Variants in ACACA observed in about 807,000 individuals in gnomAD.
ACACA encodes the protein acetyl-CoA carboxylase alpha, also known as acetyl-CoA carboxylase 1.
In ACACA, 103 loss-of-function variants were observed where a neutral mutation model predicts 296.1. The ratio of observed to expected loss-of-function variants is 0.35; its 90% CI spans 0.30 to 0.41. The LOEUF (loss-of-function observed/expected upper bound fraction) is 0.41, where lower values mean the gene tolerates loss of function less well. ACACA is among the 10% of genes least tolerant of loss of function. ACACA has a pLI of 1.00. For missense variants in ACACA, 1,554 were observed against 2,989.7 expected, an observed-to-expected ratio of 0.52 and a Z score of 11.20; for synonymous variants, 953 against 1,038.6, an observed-to-expected ratio of 0.92 and a Z score of 1.58.
intron 1 of ACACA, among the ~76,000 whole-genome samples, chr17:37,376,830 C>T (rs1016591239): frequency 4.6e-5 from 7 of 152,084 alleles, no homozygotes; most frequent in Non-Finnish European, 7.4e-5. Flanking sequence ...TGGCATGCAC[C>T]TGTAATCTCA....
chr17:37,218,071 A>T (rs8081936), intron 29 of ACACA, among the ~76,000 whole-genome samples: 1 of 151,784 alleles, frequency 6.6e-6, no homozygotes, highest in Admixed American at 6.6e-5. Flanking sequence ...ATCAACTGTG[A>T]ATAATTCCTG....
At chr17:37,087,526 G>C (rs1404819406) in intron 55 of ACACA, 87 bp from the exon 56 acceptor site, 3 of 1,500,462 alleles carry the variant, frequency 2.0e-6, no homozygotes, top group African/African-American at 1.4e-5. Context: ...ATAAACATGT[G>C]TGCACCGTCC....
chr17:37,252,931 T>C lies in ACACA; in HGVS notation c.1932A>G (p.Arg644=). ...GTCTGTCCAGCCAGCCAGTATCAAT[T>C]CTGTTCATCTGAAAGCTTTCAGTCT... ...LLETESFQMN[R]IDTGWLDRLI... is the part of the protein sequence containing the mutation. The change falls in exon 15 of 56, where the codon AGA becomes AGG. Residue 644 remains arginine (R), a synonymous_variant. Transcript: ENST00000616317. 6.2e-7 allele frequency: 1 copy of C among 1,614,226 alleles called. No homozygotes were observed. The highest frequency in any genetic ancestry group is 2.2e-5 in the East Asian group (1 of 44,876).
At chr17:37,338,800 C>T (rs964555122) in intron 2 of ACACA, among the ~76,000 whole-genome samples, 3 of 151,668 alleles carry the variant, frequency 2.0e-5, no homozygotes, top group Non-Finnish European at 4.4e-5. Context: ...ATTAGCCAGG[C>T]GTGGCGGTGG....
At chr17:37,391,522 A>G in intron 1 of ACACA, 1 of 807,196 alleles carries the variant, frequency 1.2e-6, no homozygotes, top group South Asian at 1.5e-5. Context: ...CGATTAACAA[A>G]GAGGCAAAAT....
At chr17:37,209,619 C>T (rs1210041574) in intron 30 of ACACA, among the ~76,000 whole-genome samples, 1 of 152,176 alleles carries the variant, frequency 6.6e-6, no homozygotes, top group Non-Finnish European at 1.5e-5. Flanking sequence ...AAATTGGGAT[C>T]TAAAAGCTAT....
intron 35 of ACACA, among the ~76,000 whole-genome samples, chr17:37,194,540 T>A (rs954716596): frequency 6.6e-6 from 1 of 152,160 alleles, no homozygotes. Context: ...AAGGGCAGAG[T>A]ATTACCTTTC....
At chr17:37,249,777 TA>T (rs56934787) in intron 16 of ACACA, among the ~76,000 whole-genome samples, 18,817 of 152,186 alleles carry the variant, frequency 0.12, 1,780 homozygotes, top group East Asian at 0.44. Context: ...AAGAAACAAA[TA>T]TTGCATGTTG....
At chr17:37,161,409 G>A (rs1057140835) in intron 42 of ACACA, among the ~76,000 whole-genome samples, 1 of 152,152 alleles carries the variant, frequency 6.6e-6, no homozygotes, top group African/African-American at 2.4e-5. Flanking sequence ...CAAGGAGGTT[G>A]GAGCAGAAGA....
chr17:37,251,969 GAT>G, intron 16 of ACACA, 34 bp downstream of exon 16: 6 of 1,569,940 alleles, frequency 3.8e-6, no homozygotes, highest in Non-Finnish European at 5.3e-6. Flanking sequence ...CAGGACCATT[GAT>G]TAGTTTGTGT....
At chr17:37,341,355 G>A (rs2048363473) in intron 1 of ACACA, among the ~76,000 whole-genome samples, 1 of 152,022 alleles carries the variant, frequency 6.6e-6, no homozygotes, top group African/African-American at 2.4e-5. Context: ...TTATATATAG[G>A]TCATGATGTA....
chr17:37,400,319 C>A (rs1209317009), intron 1 of ACACA, among the ~76,000 whole-genome samples: 2 of 152,158 alleles, frequency 1.3e-5, no homozygotes, highest in East Asian at 3.9e-4. Context: ...GGGGTTTCAC[C>A]ATGTGGGCCA....
intron 1 of ACACA, among the ~76,000 whole-genome samples, chr17:37,404,416 C>T (rs969732177): frequency 1.3e-5 from 2 of 151,914 alleles, no homozygotes; most frequent in Admixed American, 6.6e-5. Context: ...ATGGGGGTCT[C>T]GATACGTTGC....
At chr17:37,174,855 A>G (rs1323162026) in intron 41 of ACACA, among the ~76,000 whole-genome samples, 2 of 152,112 alleles carry the variant, frequency 1.3e-5, no homozygotes, top group African/African-American at 4.8e-5. Context: ...TTTTCAATAT[A>G]CTTTCCTCCC....
chr17:37,243,223 C>G, intron 22 of ACACA, 148 bp downstream of exon 22: 1 of 809,044 alleles, frequency 1.2e-6, no homozygotes, highest in Non-Finnish European at 2.0e-6. Flanking sequence ...GGGTTTGTAC[C>G]CTGAGGCAGT....
chr17:37,343,836 A>G (rs1275960995), intron 1 of ACACA, among the ~76,000 whole-genome samples: 1 of 151,652 alleles, frequency 6.6e-6, no homozygotes, highest in Non-Finnish European at 1.5e-5. Context: ...TTTATTTTTT[A>G]ATGGATTTTG....
chr17:37,403,561 G>A (rs903748280), intron 1 of ACACA, among the ~76,000 whole-genome samples: 3 of 151,620 alleles, frequency 2.0e-5, no homozygotes, highest in Non-Finnish European at 4.4e-5. Flanking sequence ...TTGTAGAGAC[G>A]AAGTTTCACC....
At chr17:37,141,025 T>G in intron 45 of ACACA, 1 of 410,332 alleles carries the variant, frequency 2.4e-6, no homozygotes, top group Non-Finnish European at 4.7e-6. Flanking sequence ...GATGGCCCCA[T>G]GGATGGCAGT....
intron 3 of ACACA, chr17:37,299,796 CA>C: frequency 1.0e-6 from 1 of 993,142 alleles, no homozygotes; most frequent in Non-Finnish European, 1.2e-6. Context: ...AAGCCCAGGA[CA>C]AAAAGACCAA....
Sources: allele counts gnomAD v4.1 joint callset (sites outside exome capture counted in the v4.1 genomes callset), GRCh38; gene constraint gnomAD v4.1.1; transcripts MANE v1.5; gene names NCBI Gene and HGNC (gene_info 2026-07-23, HGNC 2026-07-21).